Variants in SMC1B observed in about 807,000 individuals in gnomAD.
SMC1B encodes the protein structural maintenance of chromosomes 1B.
SMC1B carries 60 observed loss-of-function variants against 157.9 expected under a neutral mutation model. The ratio of observed to expected loss-of-function variants is 0.38; its 90% CI spans 0.31 to 0.47. SMC1B has a LOEUF of 0.47. SMC1B is among the 20% of genes least tolerant of loss of function. The pLI is 0.99. For synonymous variants in SMC1B, 445 were observed against 483.0 expected (o/e 0.92, Z 1.03); for missense variants, 1,165 against 1,426.2 (o/e 0.82, Z 2.95).
In SMC1B at chr22:45,352,433, T is replaced by C. The variant is rs775014658; in HGVS notation, c.3425+18A>G. 2.5e-6 allele frequency: 4 copies of C among 1,604,396 alleles called. No homozygotes were observed. In the South Asian group the frequency reaches 3.3e-5, roughly 13 times the overall value. On this transcript the variant is annotated intron_variant, in intron 22 of 24. Transcript: ENST00000357450. ...CTTCTGCCCTGATATGAAAACTGAA[T>C]AGCTTTTGTGACCTTACCTGTGCAC...
chr22:45,369,898 A>G (rs760403594), intron 15 of SMC1B, 56 bp downstream of exon 15: 33 of 1,003,852 alleles, frequency 3.3e-5, no homozygotes, highest in Non-Finnish European at 4.7e-5. Context: ...ATTATGAAAT[A>G]ATAACTATTT....
At chr22:45,392,275 A>G (rs2350931) in intron 9 of SMC1B, among the ~76,000 whole-genome samples, 74,875 of 152,042 alleles carry the variant, frequency 0.49, 21,571 homozygotes, top group African/African-American at 0.8. Context: ...GAAGAGGAAA[A>G]GGAAACACAT....
intron 1 of SMC1B, among the ~76,000 whole-genome samples, chr22:45,409,533 C>A (rs769613796): frequency 2.6e-5 from 4 of 151,580 alleles, no homozygotes; most frequent in Non-Finnish European, 5.9e-5. Flanking sequence ...CCACTGCACT[C>A]CAGCCTGGGC....
chr22:45,387,881 A>T (rs1414820232), intron 10 of SMC1B, among the ~76,000 whole-genome samples: 1 of 152,044 alleles, frequency 6.6e-6, no homozygotes, highest in Non-Finnish European at 1.5e-5. Context: ...AAAACACAAA[A>T]ATTAACCGGG....
chr22:45,357,596 A>G (rs909592939), intron 19 of SMC1B, among the ~76,000 whole-genome samples: 3 of 150,688 alleles, frequency 2.0e-5, no homozygotes, highest in African/African-American at 7.3e-5. Flanking sequence ...CCAAGAAGGG[A>G]AAAGACTTTC....
At position 45,359,868 on chromosome 22, in the gene SMC1B, G is replaced by A; in HGVS notation, c.2799C>T (p.Cys933=). ...GGATTATCTCAATGTCTTGCACTTT[G>A]CAATCAAGCAGCAAGTTATGCTTCT... ...RLEKHNLLLD[C]KVQDIEIILL... is the part of the protein sequence containing the mutation. Residue 933 remains cysteine, a synonymous_variant, in exon 18 of 25, where the codon TGC becomes TGT. Transcript: ENST00000357450. 1 of 1,614,080 alleles carries A rather than the reference G, an allele frequency of 6.2e-7. No individual in the cohort carries two copies. Among genetic ancestry groups the A allele is most frequent in the Non-Finnish European group, 8.5e-7 (1 of 1,179,956 alleles).
intron 12 of SMC1B, among the ~76,000 whole-genome samples, chr22:45,379,177 T>C (rs971124141): frequency 2.0e-5 from 3 of 152,188 alleles, no homozygotes; most frequent in African/African-American, 7.2e-5. Flanking sequence ...AGACAGGGTT[T>C]CACTATGTTG....
intron 2 of SMC1B, among the ~76,000 whole-genome samples, chr22:45,408,093 G>A (rs2087284731): frequency 6.6e-6 from 1 of 152,088 alleles, no homozygotes; most frequent in Admixed American, 6.6e-5. Flanking sequence ...TAAATTTTAT[G>A]ATTTCTCTGT....
rs372472124 is a variant in SMC1B at position 45,406,807 on chromosome 22, T to C, written c.357A>G (p.Ala119=). The C allele has an allele frequency of 1.8e-4, 293 of 1,596,970 alleles. No homozygotes were observed. Among genetic ancestry groups the C allele is most frequent in the Non-Finnish European group, 2.4e-4 (286 of 1,175,868 alleles). The change falls in exon 3 of 25, where the codon GCA becomes GCG. Residue 119 remains alanine, a synonymous_variant. Transcript: ENST00000357450. ...CTATTATGCCTATCTTTTCCAACTC[T>C]GCAATGTAAACAGAACGACTCACAA... The part of the protein sequence containing the change: ...DNLVSRSVYI[A]ELEKIGIIVK...
rs954886359 is a variant in SMC1B at position 45,396,224 on chromosome 22, A to T, written c.1254+122T>A. On this transcript the variant is annotated intron_variant, in intron 7 of 24. Transcript: ENST00000357450. ...TTGTATCTTCATCTGCCAAATCATGAAATAAATGAAATGAGACAGTATAGT... is the reference window on the plus strand; with the variant it reads ...TTGTATCTTCATCTGCCAAATCATGTAATAAATGAAATGAGACAGTATAGT... 1.5e-5 allele frequency: 12 copies of T among 789,570 alleles called. No individual in the cohort carries two copies. The Admixed American group carries it at 3.0e-4, about 20-fold the overall frequency. The allele number at this position is 789,570 out of a possible 1,614,324, so 48.9% of individuals were successfully genotyped here. A position where few individuals can be genotyped will look rare whatever the true frequency, so the allele number is the denominator to read the frequency against.
chr22:45,359,241 T>G lies in SMC1B; in HGVS notation c.2863-446A>C, dbSNP rs375477117. The stretch of plus-strand genomic sequence containing the variant: ...ATGGGGGATCCTGGATCCATCCCTG[T>G]GGATATCAAGGAATGATTGTACTTC... On this transcript the variant is annotated intron_variant, in intron 18 of 24. Coordinates refer to ENST00000357450, the MANE Select transcript of SMC1B (RefSeq NM_148674.5). Among the ~76,000 whole-genome samples the G allele has an allele frequency of 3.9e-5, 6 of 152,330 alleles. No homozygotes were observed. The East Asian group carries it at 1.2e-3, about 29-fold the overall frequency.
At chr22:45,371,608 T>A (rs551993537) in intron 13 of SMC1B, 21 bp from the exon 14 acceptor site, 7 of 1,570,264 alleles carry the variant, frequency 4.5e-6, no homozygotes, top group East Asian at 2.3e-5. Context: ...AAGAGAAAAA[T>A]TTTTTTAACA....
intron 24 of SMC1B, 48 bp from the exon 25 acceptor site, chr22:45,344,705 G>C (rs2146745967): frequency 7.5e-7 from 1 of 1,334,630 alleles, no homozygotes; most frequent in African/African-American, 1.4e-5. Context: ...TAGGGAAAAA[G>C]TATTATTAAA....
intron 21 of SMC1B, 110 bp from the exon 22 acceptor site, chr22:45,352,712 G>A: frequency 1.9e-6 from 2 of 1,049,400 alleles, no homozygotes; most frequent in South Asian, 3.4e-5. Flanking sequence ...AATTTTGATG[G>A]AAAACTACCA....
chr22:45,359,871 A>G lies in SMC1B; in HGVS notation c.2796T>C (p.Asp932=). ...TTATCTCAATGTCTTGCACTTTGCA[A>G]TCAAGCAGCAAGTTATGCTTCTCTA... ...KRLEKHNLLL[D]CKVQDIEIIL... Residue 932 remains aspartate (D), a synonymous_variant, in exon 18 of 25, where the codon GAT becomes GAC. Transcript: ENST00000357450. 1 of 1,614,184 alleles carries G rather than the reference A, an allele frequency of 6.2e-7. No individual in the cohort carries two copies. Among genetic ancestry groups the G allele is most frequent in the South Asian group, 1.1e-5 (1 of 91,086 alleles).
intron 14 of SMC1B, 117 bp downstream of exon 14, chr22:45,371,354 C>G (rs2086829118): frequency 3.0e-6 from 4 of 1,348,972 alleles, no homozygotes; most frequent in Non-Finnish European, 3.8e-6. Flanking sequence ...ATTGTTGTTT[C>G]TGACAGGGCA....
chr22:45,367,023 TTC>T (rs2086783042), intron 15 of SMC1B, among the ~76,000 whole-genome samples: 1 of 152,152 alleles, frequency 6.6e-6, no homozygotes. Context: ...TGAGTTGCTT[TTC>T]TGTTATTTTG....
intron 1 of SMC1B, among the ~76,000 whole-genome samples, chr22:45,413,021 G>A (rs186772170): frequency 6.6e-6 from 1 of 151,536 alleles, no homozygotes; most frequent in Non-Finnish European, 1.5e-5. Context: ...CCCAGGGCGG[G>A]ACCGGGGCGG....
At chr22:45,373,327 A>G (rs746656731) in intron 12 of SMC1B, among the ~76,000 whole-genome samples, 11 of 152,224 alleles carry the variant, frequency 7.2e-5, no homozygotes, top group South Asian at 2.1e-4. Flanking sequence ...TCGGTTTACA[A>G]TAAGATGGGG....
Sources: gnomAD v4.1 joint callset for allele counts (sites outside exome capture counted in the v4.1 genomes callset) on GRCh38, gnomAD v4.1.1 for gene constraint, MANE v1.5 for transcripts, NCBI Gene and HGNC (gene_info 2026-07-23, HGNC 2026-07-21) for gene names.